The following UBA1 variants were observed in gnomAD, a reference collection of about 807,000 sequenced individuals.
The protein encoded by UBA1 is ubiquitin like modifier activating enzyme 1.
A neutral mutation model predicts 84.7 loss-of-function variants in UBA1; 4 were observed. The ratio of observed to expected loss-of-function variants is 0.05; its 90% confidence interval spans 0.02 to 0.11. The LOEUF (loss-of-function observed/expected upper bound fraction) is 0.11. Among genes scored for constraint, UBA1 ranks in the 10% least tolerant of loss-of-function variants. The probability of loss-of-function intolerance (pLI) is 1.00; values close to 1 mark genes in which losing one functional copy is unlikely to be tolerated. For missense variants in UBA1, 513 were observed against 902.8 expected, an observed-to-expected ratio of 0.57 and a Z score of 5.53; for synonymous variants, 364 against 362.6, an observed-to-expected ratio of 1.00 and a Z score of -0.04.
At position 47,201,579 on chromosome X, in the gene UBA1, C is replaced by T. The variant is rs782696760; in HGVS notation, c.780C>T (p.Asn260=). 3 of 1,211,682 alleles carry T rather than the reference C, an allele frequency of 2.5e-6. No individual in the cohort carries two copies. The highest frequency in any genetic ancestry group is 4.3e-5 in the Admixed American group (2 of 46,051). ...AAGTACAGGGCATGGTTGAACTCAA[C>T]GGAAATCAGCCCATGGAGATCAAAG... The part of the protein sequence containing the change: ...FSEVQGMVEL[N]GNQPMEIKVL... Residue 260 remains asparagine, a synonymous_variant, in exon 8 of 26, where the codon AAC becomes AAT. Coordinates refer to ENST00000335972, the MANE Select transcript of UBA1 (RefSeq NM_003334.4).
chrX:47,210,987 C>T (rs782619215), intron 19 of UBA1, 49 bp from the exon 20 acceptor site: 1 of 1,208,571 alleles, frequency 8.3e-7, no homozygotes. Context: ...TGGCGGCTCC[C>T]CACTCGAGGG....
chrX:47,202,100 G>A, intron 8 of UBA1, 56 bp from the exon 9 acceptor site: 1 of 1,024,921 alleles, frequency 9.8e-7, no homozygotes, highest in South Asian at 2.0e-5. Flanking sequence ...TCTTGCAGGG[G>A]TTGTGGATTT....
rs781926000 is a variant in UBA1 at position 47,205,254 on chromosome X, C to T, written c.1576-694C>T. 60 of 253,149 alleles carry T rather than the reference C, an allele frequency of 2.4e-4. 1 individual carries two copies. The highest frequency in any genetic ancestry group is 2.1e-3 in the South Asian group (53 of 25,581). 20.9% of individuals were successfully genotyped at this position (253,149 alleles called of 1,213,427 possible). On this transcript the variant is annotated intron_variant, in intron 14 of 25. Transcript: ENST00000335972. ...GGGAGGATTCTGAGCAGAGGAGGGA[C>T]GTGGCCCAATTTGGGCTTTGAAAGG...
intron 14 of UBA1, chrX:47,205,368 G>C (rs1180572463): frequency 9.1e-6 from 3 of 331,086 alleles, no homozygotes; most frequent in Admixed American, 3.2e-5. Context: ...AATAGCAGGT[G>C]TTAGACGAAA....
rs782114592 is a variant in UBA1, at chrX:47,209,705, CCT to C, written c.2003+22_2003+23del. ...TACCTCACGTGAGTAACTCGAGTGCCCTCTCGCCCTGTCCCTGTCCACCAGCC... is the reference window on the plus strand; with the variant it reads ...TACCTCACGTGAGTAACTCGAGTGCCCTCGCCCTGTCCCTGTCCACCAGCC... On this transcript the variant is annotated intron_variant, in intron 17 of 25. Coordinates refer to ENST00000335972, the MANE Select transcript of UBA1 (RefSeq NM_003334.4). The C allele has an allele frequency of 4.1e-6, 5 of 1,206,074 alleles. No homozygotes were observed. The South Asian group carries it at 7.0e-5, about 17-fold the overall frequency.
chrX:47,198,323 G>A, intron 1 of UBA1: 1 of 966,290 alleles, frequency 1.0e-6, no homozygotes, highest in Non-Finnish European at 1.3e-6. Context: ...TATGCTCTGT[G>A]TTATTTATCA....
chrX:47,210,738 AGATAGTG>A, intron 18 of UBA1, 97 bp from the exon 19 acceptor site: 2 of 867,232 alleles, frequency 2.3e-6, no homozygotes, highest in Non-Finnish European at 3.3e-6. Context: ...GCCCAACCCA[AGATAGTG>A]AATTGGGGGC....
chrX:47,201,464 C>T lies in UBA1; in HGVS notation c.679-14C>T. 8.3e-7 allele frequency: 1 copy of T among 1,212,056 alleles called. No homozygotes were observed. The highest frequency in any genetic ancestry group is 1.1e-6 in the Non-Finnish European group (1 of 895,562). On this transcript the variant is annotated splice_polypyrimidine_tract_variant and intron_variant, in intron 7 of 25. Transcript: ENST00000335972. ...CCTGGGCCTGTTTCTGAGACTCACTCTTCCTTTAACCAGGACAACCCCGGT... is the reference window on the plus strand; with the variant it reads ...CCTGGGCCTGTTTCTGAGACTCACTTTTCCTTTAACCAGGACAACCCCGGT...
chrX:47,206,720 C>A, intron 16 of UBA1: 1 of 387,312 alleles, frequency 2.6e-6, no homozygotes, highest in Non-Finnish European at 4.5e-6. Flanking sequence ...CTAAATTTAA[C>A]AATTCTTAAT....
chrX:47,196,100 TGGG>T (rs1936198517), intron 1 of UBA1, among the ~76,000 whole-genome samples: 1 of 110,774 alleles, frequency 9.0e-6, no homozygotes, highest in Non-Finnish European at 1.9e-5. Flanking sequence ...CTTGCAGCCT[TGGG>T]GGCCTCCACT....
In UBA1 at chrX:47,211,212, C is replaced by T; in HGVS notation, c.2451C>T (p.Ala817=). The T allele has an allele frequency of 8.3e-7, 1 of 1,209,783 alleles. No homozygotes were observed. Among genetic ancestry groups the T allele is most frequent in the Non-Finnish European group, 1.1e-6 (1 of 895,558 alleles). ...IHVSDQELQS[A]NASVDDSRLE... is the part of the protein sequence containing the mutation. ...TTTCTGACCAGGAGCTGCAGAGCGC[C>T]AATGCCTCTGTTGGTGAGGGTGTTT... Residue 817 remains alanine, a synonymous_variant, in exon 20 of 26, where the codon GCC becomes GCT. Transcript: ENST00000335972.
At chrX:47,205,374 C>T (rs1248807503) in intron 14 of UBA1, 5 of 332,143 alleles carry the variant, frequency 1.5e-5, no homozygotes, top group African/African-American at 5.3e-5. Flanking sequence ...AGGTGTTAGA[C>T]GAAAGAACAG....
At chrX:47,192,782 G>C (rs1215816262), upstream of UBA1, among the ~76,000 whole-genome samples, 3 of 111,940 alleles carry the variant, frequency 2.7e-5, no homozygotes, top group African/African-American at 9.8e-5. Context: ...GTAGAGACAG[G>C]GTTTCACCAT....
intron 20 of UBA1, among the ~76,000 whole-genome samples, chrX:47,212,132 C>T (rs913609449): frequency 1.3e-4 from 14 of 108,292 alleles, no homozygotes; most frequent in Non-Finnish European, 2.7e-4. Context: ...AAGATCTTTA[C>T]GTCTCCCATC....
upstream of UBA1, among the ~76,000 whole-genome samples, chrX:47,192,032 T>C (rs1170722647): frequency 8.9e-6 from 1 of 112,283 alleles, no homozygotes; most frequent in Non-Finnish European, 1.9e-5. Flanking sequence ...AGGATAACGA[T>C]AAGATTAGCT....
upstream of UBA1, among the ~76,000 whole-genome samples, chrX:47,193,229 G>A (rs781832778): frequency 2.7e-5 from 3 of 111,840 alleles, no homozygotes; most frequent in Non-Finnish European, 5.6e-5. Flanking sequence ...ACCTCTCTGA[G>A]TTTCCAGGTT....
In UBA1 at chrX:47,211,137, G is replaced by A. The variant is rs782085921; in HGVS notation, c.2376G>A (p.Gln792=). 40 of 1,209,958 alleles carry A rather than the reference G, an allele frequency of 3.3e-5. No homozygotes were observed. The highest frequency in any genetic ancestry group is 4.1e-5 in the Non-Finnish European group (37 of 895,149). The change falls in exon 20 of 26, where the codon CAG becomes CAA. Residue 792 remains glutamine, a synonymous_variant. Coordinates refer to ENST00000335972, the MANE Select transcript of UBA1 (RefSeq NM_003334.4). ...QDRAAVATFL[Q]SVQVPEFTPK... Reference sequence around the variant, plus strand: ...GAGCTGCTGTGGCCACATTCCTGCAGTCTGTGCAGGTCCCCGAATTCACCC... The same window carrying A: ...GAGCTGCTGTGGCCACATTCCTGCAATCTGTGCAGGTCCCCGAATTCACCC...
Position 47,198,887 on chromosome X carries a change from G to A in UBA1, c.85G>A (p.Val29Met), listed in dbSNP as rs1936300089. Reference protein sequence around the residue: ...PGSNCSPAQSVLSEVPSVPTN... With the variant: ...PGSNCSPAQSMLSEVPSVPTN... The stretch of plus-strand genomic sequence containing the variant: ...TTCTAACTGCTCCCCTGCCCAGTCC[G>A]TGTTGTCCGAAGTGCCCTCGGTGCC... The change falls in exon 2 of 26, where the codon GTG (valine) becomes ATG (methionine). Residue 29 changes from valine (V) to methionine (M), a missense_variant. Coordinates refer to ENST00000335972, the MANE Select transcript of UBA1 (RefSeq NM_003334.4). The A allele has an allele frequency of 1.7e-6, 2 of 1,210,548 alleles. No individual in the cohort carries two copies. Among genetic ancestry groups the A allele is most frequent in the Non-Finnish European group, 2.2e-6 (2 of 895,322 alleles).
chrX:47,212,509 G>A lies in UBA1; in HGVS notation c.2550G>A (p.Glu850=). ...TCAAGATGTACCCCATTGACTTTGA[G>A]AAGGTATGGGGTGGGGCTCAGGACA... is the stretch of plus-strand genomic sequence containing the variant. ...PGFKMYPIDF[E]KDDDSNFHMD... is the part of the protein sequence containing the mutation. Residue 850 remains glutamate (E), a synonymous_variant, in exon 21 of 26, where the codon GAG becomes GAA. Coordinates refer to ENST00000335972, the MANE Select transcript of UBA1 (RefSeq NM_003334.4). The A allele has an allele frequency of 1.7e-6, 2 of 1,203,848 alleles. No homozygotes were observed.
Sources: allele counts gnomAD v4.1 joint callset (sites outside exome capture counted in the v4.1 genomes callset), GRCh38; gene constraint gnomAD v4.1.1; transcripts MANE v1.5; gene names NCBI Gene and HGNC (gene_info 2026-07-23, HGNC 2026-07-21).